NRXN1: variants seen among roughly 807,000 people sequenced by gnomAD.
The protein encoded by NRXN1 is neurexin-1.
A neutral mutation model predicts 150.9 loss-of-function variants in NRXN1; 39 were observed. That is an observed-to-expected ratio of 0.26 (90% CI 0.20 to 0.34). NRXN1 has a LOEUF of 0.34. Among genes scored for constraint, NRXN1 ranks in the 10% least tolerant of loss-of-function variants. NRXN1 has a pLI of 1.00. For missense variants in NRXN1, 1,815 were observed against 1,949.9 expected (o/e 0.93, Z 1.30); for synonymous variants, 924 against 757.0 (o/e 1.22, Z -3.62).
chr2:50,700,974 A>T (rs907765756), intron 5 of NRXN1, among the ~76,000 whole-genome samples: 12 of 152,088 alleles, frequency 7.9e-5, no homozygotes, highest in Non-Finnish European at 1.5e-5. Context: ...CCAGGGATCA[A>T]GATTTTTAAA....
At position 50,393,541 on chromosome 2, in the gene NRXN1, A is replaced by AGAT. The variant is rs1209078977; in HGVS notation, c.3364+71898_3364+71900dup. Among the ~76,000 whole-genome samples, 14 of 152,260 alleles carry AGAT rather than the reference A, an allele frequency of 9.2e-5. No homozygotes were observed. In the East Asian group the frequency reaches 2.7e-3, roughly 29 times the overall value. ...AGAAAGAACTTAAGAAAAATGAGAA[A>AGAT]GATAGGTAAAATTAGGCTGTTCCAA... On this transcript the variant is annotated intron_variant, in intron 17 of 22. Coordinates refer to ENST00000401669, the MANE Select transcript of NRXN1 (RefSeq NM_001330078.2).
chr2:50,354,326 A>T (rs1275669905), intron 17 of NRXN1, among the ~76,000 whole-genome samples: 1 of 151,852 alleles, frequency 6.6e-6, no homozygotes, highest in Non-Finnish European at 1.5e-5. Context: ...TATGAGCAGG[A>T]ACTCAGACAC....
At chr2:50,430,554 G>A (rs1371213194) in intron 17 of NRXN1, among the ~76,000 whole-genome samples, 1 of 152,184 alleles carries the variant, frequency 6.6e-6, no homozygotes, top group African/African-American at 2.4e-5. Flanking sequence ...TCTTGGTATA[G>A]TTTATGTACT....
intron 18 of NRXN1, among the ~76,000 whole-genome samples, chr2:50,118,417 T>C (rs1703376710): frequency 6.6e-6 from 1 of 151,942 alleles, no homozygotes; most frequent in Non-Finnish European, 1.5e-5. Flanking sequence ...GTAAATTATA[T>C]GAAATTTCTC....
intron 18 of NRXN1, among the ~76,000 whole-genome samples, chr2:50,221,925 G>T (rs1340197203): frequency 6.6e-6 from 1 of 151,926 alleles, no homozygotes; most frequent in Non-Finnish European, 1.5e-5. Flanking sequence ...TACTCTGTTT[G>T]TTATATTAAG....
At position 50,031,703 on chromosome 2, in the gene NRXN1, A is replaced by T. The variant is rs998767742; in HGVS notation, c.4128+21568T>A. Among the ~76,000 whole-genome samples the T allele has an allele frequency of 3.3e-5, 5 of 152,116 alleles. No homozygotes were observed. In the East Asian group the frequency reaches 9.6e-4, roughly 29 times the overall value. ...GCAATTTGTCTCATCCAAACGCATC[A>T]TATAAAATGACCAAGTGCTGTTAAG... is the stretch of plus-strand genomic sequence containing the variant. On this transcript the variant is annotated intron_variant, in intron 21 of 22. Coordinates refer to ENST00000401669, the MANE Select transcript of NRXN1 (RefSeq NM_001330078.2).
intron 2 of NRXN1, among the ~76,000 whole-genome samples, chr2:50,978,279 T>C (rs1199923693): frequency 4.9e-5 from 2 of 41,122 alleles, no homozygotes; most frequent in African/African-American, 1.6e-4. Flanking sequence ...TACATATATA[T>C]ATATATATAT....
chr2:50,845,000 C>T (rs1188322331), intron 5 of NRXN1, among the ~76,000 whole-genome samples: 1 of 152,008 alleles, frequency 6.6e-6, no homozygotes, highest in Non-Finnish European at 1.5e-5. Context: ...ACCACAGGTG[C>T]ACATCATCTC....
chr2:51,028,192 C>A lies in NRXN1; in HGVS notation c.82G>T (p.Gly28Cys), dbSNP rs200709052. ...GCGCCCGGAAACTCCAGCCCGCTGC[C>A]CAGCTCCGCCCAGCAGCCCAGGAGC... is the stretch of plus-strand genomic sequence containing the variant. The part of the protein sequence containing the change: ...LLLLGCWAEL[G>C]SGLEFPGAEG... Residue 28 changes from glycine to cysteine, a missense_variant, in exon 2 of 23, where the codon GGC (glycine) becomes TGC (cysteine). Physicochemically the swap from Gly to Cys is radical, Grantham distance 159. Around this residue, in one of 6 missense-constraint regions of NRXN1, gnomAD observed 554 missense variants for 478.8 expected, o/e 1.16. Transcript: ENST00000401669. 1 of 1,493,664 alleles carries A rather than the reference C, an allele frequency of 6.7e-7. No homozygotes were observed. Among genetic ancestry groups the A allele is most frequent in the East Asian group, 2.4e-5 (1 of 42,098 alleles). 92.5% of individuals were successfully genotyped at this position (1,493,664 alleles called of 1,614,324 possible).
At chr2:50,301,736 T>A (rs1374393857) in intron 17 of NRXN1, among the ~76,000 whole-genome samples, 3 of 152,126 alleles carry the variant, frequency 2.0e-5, no homozygotes, top group Non-Finnish European at 2.9e-5. Context: ...CACAAGAGAA[T>A]TGAAAAGGAG....
At chr2:50,620,921 G>A (rs899828797) in intron 7 of NRXN1, 10 of 320,238 alleles carry the variant, frequency 3.1e-5, no homozygotes, top group African/African-American at 1.6e-4. Flanking sequence ...TGGCTGAGCT[G>A]CGGTCACTCG....
At chr2:50,233,398 T>A (rs572327626) in intron 18 of NRXN1, among the ~76,000 whole-genome samples, 116 of 152,176 alleles carry the variant, frequency 7.6e-4, no homozygotes, top group Non-Finnish European at 6.3e-4. Flanking sequence ...TTAATCAAAA[T>A]TTTTAAAAAT....
chr2:50,256,025 G>C (rs1428402311), intron 17 of NRXN1, among the ~76,000 whole-genome samples: 1 of 152,080 alleles, frequency 6.6e-6, no homozygotes, highest in Non-Finnish European at 1.5e-5. Context: ...TAACAGTAAC[G>C]CTGTCTAAAA....
intron 2 of NRXN1, among the ~76,000 whole-genome samples, chr2:50,997,443 A>T (rs890426362): frequency 1.9e-5 from 2 of 106,152 alleles, no homozygotes; most frequent in Non-Finnish European, 3.6e-5. Flanking sequence ...GGTTTTTAAA[A>T]TTTTTTGATT....
chr2:50,269,080 C>A (rs1239778149), intron 17 of NRXN1, among the ~76,000 whole-genome samples: 1 of 151,920 alleles, frequency 6.6e-6, no homozygotes, highest in African/African-American at 2.4e-5. Flanking sequence ...AGTGCAGAAC[C>A]CTCATTTTTT....
chr2:50,978,927 G>C (rs1206423850), intron 2 of NRXN1, among the ~76,000 whole-genome samples: 1 of 152,004 alleles, frequency 6.6e-6, no homozygotes, highest in Non-Finnish European at 1.5e-5. Flanking sequence ...AAACGTAATT[G>C]TTGTTTTTAA....
At chr2:50,154,561 G>C (rs1194575918) in intron 18 of NRXN1, among the ~76,000 whole-genome samples, 1 of 151,538 alleles carries the variant, frequency 6.6e-6, no homozygotes, top group African/African-American at 2.4e-5. Context: ...AAGATCAGAG[G>C]TCAACTGTGA....
intron 5 of NRXN1, among the ~76,000 whole-genome samples, chr2:50,686,445 T>C (rs1429234622): frequency 1.3e-5 from 2 of 152,178 alleles, no homozygotes; most frequent in Admixed American, 6.5e-5. Flanking sequence ...AAGGGAACTA[T>C]GTCACTAGAT....
At chr2:50,302,785 G>A (rs775164060) in intron 17 of NRXN1, among the ~76,000 whole-genome samples, 11 of 151,980 alleles carry the variant, frequency 7.2e-5, no homozygotes, top group Non-Finnish European at 1.3e-4. Context: ...GACATTTAGG[G>A]TATCCCTACA....
Sources: allele counts gnomAD v4.1 joint callset (sites outside exome capture counted in the v4.1 genomes callset), GRCh38; gene constraint gnomAD v4.1.1; regional missense constraint gnomAD v4.1.1; transcripts MANE v1.5; gene names NCBI Gene and HGNC (gene_info 2026-07-23, HGNC 2026-07-21).